Variants in ABCG2 observed in about 807,000 individuals in gnomAD.
ABCG2 encodes the protein ATP binding cassette subfamily G member 2 (JR blood group).
A neutral mutation model predicts 73.5 loss-of-function variants in ABCG2; 80 were observed. That is an observed-to-expected ratio of 1.09 (90% CI 0.91 to 1.31). The LOEUF (loss-of-function observed/expected upper bound fraction) is 1.31. ABCG2 is among the 50% of genes most tolerant of loss of function. The pLI, the probability that ABCG2 is intolerant of heterozygous loss-of-function variation, is 0.00. For missense variants in ABCG2, 796 were observed against 786.2 expected, an observed-to-expected ratio of 1.01 and a Z score of -0.15; for synonymous variants, 269 against 282.4, an observed-to-expected ratio of 0.95 and a Z score of 0.48.
intron 1 of ABCG2, among the ~76,000 whole-genome samples, chr4:88,141,817 C>G (rs1725666988): frequency 6.6e-6 from 1 of 152,058 alleles, no homozygotes; most frequent in Non-Finnish European, 1.5e-5. Flanking sequence ...AAAATGGAAA[C>G]AGACCCACAA....
chr4:88,105,768 G>C (rs538904362), intron 10 of ABCG2, among the ~76,000 whole-genome samples: 1 of 152,234 alleles, frequency 6.6e-6, no homozygotes, highest in East Asian at 1.9e-4. Context: ...ACAGAGTGGG[G>C]AAAAATATTT....
intron 1 of ABCG2, among the ~76,000 whole-genome samples, chr4:88,157,434 T>C (rs1353390880): frequency 3.3e-5 from 5 of 152,236 alleles, no homozygotes; most frequent in African/African-American, 4.8e-5. Context: ...AAGTCTGTAG[T>C]TTAGTTCATT....
chr4:88,163,076 G>A (rs756544082), upstream of ABCG2, among the ~76,000 whole-genome samples: 2 of 152,100 alleles, frequency 1.3e-5, no homozygotes, highest in Admixed American at 6.5e-5. Flanking sequence ...ATGGGCCTGG[G>A]GACATTTGGG....
chr4:88,202,231 C>T lies in ABCG2; in HGVS notation c.-20+28763G>A, dbSNP rs558403659. On this transcript the variant is annotated intron_variant, in intron 1 of 15. Coordinates refer to the ABCG2 transcript ENST00000515655. ...CGGCCAAGAAATTTGAGAGTCTAGG[C>T]GTTATGTGATGACTCACATCTGTAA... Among the ~76,000 whole-genome samples the T allele has an allele frequency of 7.9e-4, 119 of 150,844 alleles. 1 individual carries two copies. The highest frequency in any genetic ancestry group is 3.4e-3 in the Middle Eastern group (1 of 290).
At chr4:88,117,014 A>C (rs908533964) in intron 7 of ABCG2, among the ~76,000 whole-genome samples, 2 of 152,180 alleles carry the variant, frequency 1.3e-5, no homozygotes, top group Non-Finnish European at 2.9e-5. Context: ...CTAAAGCTGC[A>C]ATCTATAGTT....
chr4:88,124,929 C>A (rs183437313), intron 5 of ABCG2, among the ~76,000 whole-genome samples: 1 of 152,234 alleles, frequency 6.6e-6, no homozygotes, highest in Non-Finnish European at 1.5e-5. Flanking sequence ...TCATCACATG[C>A]AAAAGAACGG....
At chr4:88,115,914 G>T (rs375652450) in intron 7 of ABCG2, among the ~76,000 whole-genome samples, 3 of 152,154 alleles carry the variant, frequency 2.0e-5, no homozygotes, top group African/African-American at 7.2e-5. Flanking sequence ...GAGGTCCAGC[G>T]CTGGGTGCAA....
At chr4:88,147,948 C>T (rs989282004) in intron 1 of ABCG2, among the ~76,000 whole-genome samples, 6 of 152,224 alleles carry the variant, frequency 3.9e-5, no homozygotes, top group African/African-American at 1.4e-4. Flanking sequence ...GGACATACTT[C>T]CAGCCAGGAA....
chr4:88,116,989 A>T (rs1723621811), intron 7 of ABCG2, among the ~76,000 whole-genome samples: 1 of 152,184 alleles, frequency 6.6e-6, no homozygotes, highest in Non-Finnish European at 1.5e-5. Flanking sequence ...CTATTGACCG[A>T]TACCCACTCA....
chr4:88,145,643 G>A (rs1482841519), intron 1 of ABCG2, among the ~76,000 whole-genome samples: 3 of 152,058 alleles, frequency 2.0e-5, no homozygotes, highest in Admixed American at 6.6e-5. Flanking sequence ...GTTTATAAAG[G>A]AACACTCTGG....
chr4:88,130,730 G>A (rs1381610123), intron 5 of ABCG2, among the ~76,000 whole-genome samples: 1 of 152,054 alleles, frequency 6.6e-6, no homozygotes, highest in Non-Finnish European at 1.5e-5. Context: ...GAGAAAAAGA[G>A]GAAGAAGAAA....
chr4:88,150,053 G>A (rs1397125649), intron 1 of ABCG2, among the ~76,000 whole-genome samples: 3 of 152,068 alleles, frequency 2.0e-5, no homozygotes, highest in East Asian at 1.9e-4. Flanking sequence ...GGTGGCTCAC[G>A]CCTGTAATCC....
chr4:88,160,098 C>T (rs756767960), upstream of ABCG2, among the ~76,000 whole-genome samples: 3 of 151,836 alleles, frequency 2.0e-5, no homozygotes, highest in Non-Finnish European at 4.4e-5. Flanking sequence ...CAAAAGTTAG[C>T]TGGGTGTGGT....
At chr4:88,199,771 G>A (rs1187273230) in intron 1 of ABCG2, among the ~76,000 whole-genome samples, 4 of 152,278 alleles carry the variant, frequency 2.6e-5, no homozygotes, top group South Asian at 2.1e-4. Flanking sequence ...AGGCTGAGGC[G>A]GGCGGATCAC....
chr4:88,125,290 T>C (rs1349728934), intron 5 of ABCG2, among the ~76,000 whole-genome samples: 2 of 130,930 alleles, frequency 1.5e-5, no homozygotes, highest in East Asian at 4.6e-4. Context: ...AGACTCTGTC[T>C]CAAAAAAAAA....
intron 6 of ABCG2, among the ~76,000 whole-genome samples, chr4:88,121,200 G>T (rs1723942587): frequency 6.6e-6 from 1 of 152,008 alleles, no homozygotes; most frequent in Non-Finnish European, 1.5e-5. Flanking sequence ...GTCTGAAGAT[G>T]ATATAAGTAG....
intron 6 of ABCG2, among the ~76,000 whole-genome samples, chr4:88,119,051 T>G (rs941247730): frequency 1.3e-5 from 2 of 152,178 alleles, no homozygotes; most frequent in African/African-American, 4.8e-5. Context: ...AATCCCCACA[T>G]ATCAAGGATG....
rs949459267 is a variant in ABCG2, at chr4:88,193,831, A to C, written c.-20+37163T>G. On this transcript the variant is annotated intron_variant, in intron 1 of 15. Transcript: ENST00000515655. Reference sequence around the variant, plus strand: ...ATGATCTTGGCTCACTGCAACCTCCACTTCCTGGATTCAAGCGATTCTCAT... The same window carrying C: ...ATGATCTTGGCTCACTGCAACCTCCCCTTCCTGGATTCAAGCGATTCTCAT... Among the ~76,000 whole-genome samples the C allele has an allele frequency of 2.0e-5, 3 of 152,030 alleles. No individual in the cohort carries two copies. The East Asian group carries it at 5.8e-4, about 29-fold the overall frequency.
intron 1 of ABCG2, chr4:88,226,814 A>C (rs1730234703): frequency 6.6e-6 from 1 of 152,434 alleles, no homozygotes; most frequent in Admixed American, 6.5e-5. Context: ...AAATTCGTGA[A>C]GCATTTTATA....
Sources: gnomAD v4.1 joint callset for allele counts (sites outside exome capture counted in the v4.1 genomes callset) on GRCh38, gnomAD v4.1.1 for gene constraint, MANE v1.5 for transcripts, NCBI Gene and HGNC (gene_info 2026-07-23, HGNC 2026-07-21) for gene names.